Variants in SCAPER observed in about 807,000 individuals in gnomAD.
SCAPER encodes the protein S-phase cyclin A associated protein in the ER, also known as S phase cyclin A-associated protein in the endoplasmic reticulum.
Under a neutral mutation model 182.2 loss-of-function variants are expected in SCAPER, and 98 were observed. The ratio of observed to expected loss-of-function variants is 0.54; its 90% CI spans 0.46 to 0.64. SCAPER has a LOEUF of 0.64. Among genes scored for constraint, SCAPER ranks in the 30% least tolerant of loss-of-function variants. SCAPER has a pLI of 0.00. For missense variants in SCAPER, 1,432 were observed against 1,690.0 expected, an observed-to-expected ratio of 0.85 and a Z score of 2.68; for synonymous variants, 605 against 564.6, an observed-to-expected ratio of 1.07 and a Z score of -1.01.
chr15:76,583,558 G>C (rs1404367103), intron 22 of SCAPER, among the ~76,000 whole-genome samples: 1 of 152,144 alleles, frequency 6.6e-6, no homozygotes, highest in African/African-American at 2.4e-5. Context: ...TATAAGAGCT[G>C]AAAGAGCTCT....
intron 28 of SCAPER, among the ~76,000 whole-genome samples, chr15:76,379,397 G>A (rs1325207421): frequency 6.6e-6 from 1 of 152,128 alleles, no homozygotes; most frequent in Non-Finnish European, 1.5e-5. Context: ...GTCAAGAAAG[G>A]ACATTCCAAA....
At chr15:76,497,646 T>C (rs571622840) in intron 24 of SCAPER, among the ~76,000 whole-genome samples, 2 of 152,020 alleles carry the variant, frequency 1.3e-5, no homozygotes, top group South Asian at 2.1e-4. Flanking sequence ...AAAGACTTAA[T>C]AGTAGATGAG....
intron 15 of SCAPER, among the ~76,000 whole-genome samples, chr15:76,749,373 C>T (rs1395345152): frequency 2.6e-5 from 4 of 152,002 alleles, no homozygotes; most frequent in Non-Finnish European, 5.9e-5. Context: ...TATGAAATGT[C>T]TATAGCTAAT....
rs190609836 is a variant in SCAPER, at chr15:76,608,179, G to A, written c.2711+13585C>T. On this transcript the variant is annotated intron_variant, in intron 22 of 31. Coordinates refer to ENST00000563290, the MANE Select transcript of SCAPER (RefSeq NM_020843.4). ...ACCTTTGGTCTTTGATGATGGTGAC[G>A]TACAGATGGGTTTTTGGTGTGGATG... Among the ~76,000 whole-genome samples, 528 of 152,104 alleles carry A rather than the reference G, an allele frequency of 3.5e-3. 5 individuals are homozygous for A. Among genetic ancestry groups the A allele is most frequent in the African/African-American group, 0.012 (489 of 41,488 alleles).
At chr15:76,626,168 C>G (rs1386587701) in intron 21 of SCAPER, among the ~76,000 whole-genome samples, 2 of 152,094 alleles carry the variant, frequency 1.3e-5, no homozygotes, top group African/African-American at 4.8e-5. Context: ...CTTAGATGAT[C>G]TGTTCAAAGC....
Position 76,885,305 on chromosome 15 carries a change from C to T in SCAPER, c.-59-1429G>A, listed in dbSNP as rs890471911. 5.3e-5 allele frequency among the ~76,000 whole-genome samples: 8 copies of T among 152,300 alleles called. No individual in the cohort carries two copies. In the South Asian group the frequency reaches 1.5e-3, roughly 28 times the overall value. On this transcript the variant is annotated intron_variant, in intron 1 of 31. Transcript: ENST00000563290. Reference sequence around the variant, plus strand: ...ATGTCCAAAATTTTCCAATTCCATACACCCCTTCTCCCCAGCATTCACTGT... The same window carrying T: ...ATGTCCAAAATTTTCCAATTCCATATACCCCTTCTCCCCAGCATTCACTGT...
chr15:76,434,712 C>T (rs2047082625), intron 25 of SCAPER, among the ~76,000 whole-genome samples: 1 of 152,128 alleles, frequency 6.6e-6, no homozygotes, highest in Non-Finnish European at 1.5e-5. Flanking sequence ...TTTCTTATTA[C>T]AGTGTATTAA....
intron 29 of SCAPER, among the ~76,000 whole-genome samples, chr15:76,367,179 G>T (rs995966140): frequency 6.6e-6 from 1 of 152,212 alleles, no homozygotes; most frequent in Non-Finnish European, 1.5e-5. Context: ...TCAGAGAAGG[G>T]CAGTGACTTA....
chr15:76,720,482 T>C (rs901419251), intron 17 of SCAPER, among the ~76,000 whole-genome samples: 3 of 152,222 alleles, frequency 2.0e-5, no homozygotes, highest in African/African-American at 4.8e-5. Flanking sequence ...TTTCTAGTTC[T>C]AGATCCCTGA....
At chr15:76,406,499 T>C (rs2044843809) in intron 26 of SCAPER, among the ~76,000 whole-genome samples, 1 of 151,442 alleles carries the variant, frequency 6.6e-6, no homozygotes, top group African/African-American at 2.4e-5. Context: ...ATCAAGTGTT[T>C]TGACTGGGTA....
chr15:76,482,645 T>G (rs1488487919), intron 24 of SCAPER, among the ~76,000 whole-genome samples: 1 of 152,144 alleles, frequency 6.6e-6, no homozygotes, highest in Non-Finnish European at 1.5e-5. Flanking sequence ...AATAAGCAAT[T>G]AAAGCAAAGC....
intron 24 of SCAPER, among the ~76,000 whole-genome samples, chr15:76,482,381 T>G (rs552013086): frequency 6.6e-6 from 1 of 152,180 alleles, no homozygotes; most frequent in Non-Finnish European, 1.5e-5. Context: ...TAAAAACTCA[T>G]GAATTATTAA....
At chr15:76,467,598 A>G (rs2049791642) in intron 25 of SCAPER, among the ~76,000 whole-genome samples, 1 of 152,068 alleles carries the variant, frequency 6.6e-6, no homozygotes, top group Non-Finnish European at 1.5e-5. Flanking sequence ...CAATTCCCCA[A>G]GTCAGAATTT....
intron 25 of SCAPER, among the ~76,000 whole-genome samples, chr15:76,441,112 G>A (rs988567972): frequency 2.6e-5 from 4 of 151,352 alleles, no homozygotes; most frequent in Admixed American, 2.6e-4. Flanking sequence ...TAGTAGAGAC[G>A]GGGTTTCACC....
At chr15:76,428,744 G>A (rs191050709) in intron 26 of SCAPER, among the ~76,000 whole-genome samples, 28 of 151,320 alleles carry the variant, frequency 1.9e-4, no homozygotes, top group Middle Eastern at 6.8e-3. Context: ...GAGTGACTAC[G>A]GTTAACAGTA....
intron 20 of SCAPER, among the ~76,000 whole-genome samples, chr15:76,690,094 G>GAA (rs915989213): frequency 6.8e-6 from 1 of 147,914 alleles, no homozygotes. Context: ...CCAAGATATG[G>GAA]AAAAAAAAAA....
rs533280112 is a variant in SCAPER at position 76,692,987 on chromosome 15, C to T, written c.2508+8771G>A. On this transcript the variant is annotated intron_variant, in intron 20 of 31. Coordinates refer to ENST00000563290, the MANE Select transcript of SCAPER (RefSeq NM_020843.4). The stretch of plus-strand genomic sequence containing the variant: ...TATCTATGCTGATTTTTGTCTGCTG[C>T]TTCTTTCAATTACCGATTGAGAGGG... Among the ~76,000 whole-genome samples, 6 of 152,156 alleles carry T rather than the reference C, an allele frequency of 3.9e-5. 1 individual carries two copies. The highest frequency in any genetic ancestry group is 1.4e-4 in the African/African-American group (6 of 41,546).
intron 21 of SCAPER, among the ~76,000 whole-genome samples, chr15:76,657,586 A>G (rs189888378): frequency 8.1e-5 from 6 of 74,084 alleles, no homozygotes; most frequent in Non-Finnish European, 1.3e-4. Context: ...GAGACACAAC[A>G]ACAAAAAAAA....
At chr15:76,519,753 A>C (rs1385905786) in intron 23 of SCAPER, among the ~76,000 whole-genome samples, 1 of 152,214 alleles carries the variant, frequency 6.6e-6, no homozygotes, top group Non-Finnish European at 1.5e-5. Context: ...ATGACTGAAT[A>C]ATCTGCATAA....
Sources: allele counts gnomAD v4.1 joint callset (sites outside exome capture counted in the v4.1 genomes callset), GRCh38; gene constraint gnomAD v4.1.1; transcripts MANE v1.5; gene names NCBI Gene and HGNC (gene_info 2026-07-23, HGNC 2026-07-21).